KIF26B: variants seen among roughly 807,000 people sequenced by gnomAD.
KIF26B encodes kinesin-like protein KIF26B.
Under a neutral mutation model 151.2 loss-of-function variants are expected in KIF26B, and 63 were observed. The ratio of observed to expected loss-of-function variants is 0.42; its 90% CI spans 0.34 to 0.51. The LOEUF is 0.51. Ranked by LOEUF, KIF26B falls within the 20% of genes least tolerant of loss-of-function variation. KIF26B has a pLI of 0.07. For missense variants in KIF26B, 2,813 were observed against 2,913.6 expected (o/e 0.97, Z 0.79); for synonymous variants, 1,357 against 1,262.1 (o/e 1.08, Z -1.59).
intron 3 of KIF26B, among the ~76,000 whole-genome samples, chr1:245,385,195 T>C (rs1417692286): frequency 1.3e-5 from 2 of 152,230 alleles, no homozygotes; most frequent in East Asian, 1.9e-4. Flanking sequence ...AAATGGGAAC[T>C]AAAATAGAGT....
intron 5 of KIF26B, among the ~76,000 whole-genome samples, chr1:245,590,134 G>T (rs555345773): frequency 2.6e-5 from 4 of 152,082 alleles, no homozygotes; most frequent in Non-Finnish European, 5.9e-5. Context: ...GGGTCGGGGG[G>T]TGGGGGTGCC....
intron 8 of KIF26B, among the ~76,000 whole-genome samples, chr1:245,611,428 G>A (rs1339768205): frequency 6.6e-6 from 1 of 152,130 alleles, no homozygotes; most frequent in East Asian, 1.9e-4. Context: ...CATCGCTCCT[G>A]TTTTCTTAGG....
At chr1:245,322,602 A>G (rs141630701) in intron 2 of KIF26B, among the ~76,000 whole-genome samples, 46 of 152,308 alleles carry the variant, frequency 3.0e-4, no homozygotes, top group African/African-American at 1.1e-3. Flanking sequence ...CAAATGATGC[A>G]TCTAGTAACT....
chr1:245,630,418 T>A (rs758465192), intron 9 of KIF26B, among the ~76,000 whole-genome samples: 9 of 152,106 alleles, frequency 5.9e-5, no homozygotes, highest in Non-Finnish European at 1.3e-4. Flanking sequence ...AAGAATGAGA[T>A]CATGTCCTTT....
chr1:245,174,309 A>G (rs752735506), intron 2 of KIF26B, among the ~76,000 whole-genome samples: 5 of 151,874 alleles, frequency 3.3e-5, no homozygotes, highest in Non-Finnish European at 5.9e-5. Context: ...CATTGCCACT[A>G]TTTTCCCACC....
chr1:245,694,119 C>T (rs916693088), intron 12 of KIF26B, among the ~76,000 whole-genome samples: 11 of 152,340 alleles, frequency 7.2e-5, no homozygotes, highest in African/African-American at 2.4e-4. Flanking sequence ...GGCTCGGCAT[C>T]GAGGAGAGCT....
chr1:245,584,882 A>G (rs907403275), intron 5 of KIF26B, among the ~76,000 whole-genome samples: 3 of 152,208 alleles, frequency 2.0e-5, no homozygotes, highest in African/African-American at 7.2e-5. Flanking sequence ...CAACTGAGGA[A>G]TAGAGTCAGA....
In KIF26B at chr1:245,420,849, T is replaced by C. The variant is rs541062754; in HGVS notation, c.1166+1104T>C. ...AATGGTAACATCCAGAACACAAATA[T>C]GGGGAAGGGGCTCTGATTAGGACAG... On this transcript the variant is annotated intron_variant, in intron 4 of 14. Coordinates refer to ENST00000407071, the MANE Select transcript of KIF26B (RefSeq NM_018012.4). Among the ~76,000 whole-genome samples the C allele has an allele frequency of 7.2e-5, 11 of 152,210 alleles. No homozygotes were observed. In the East Asian group the frequency reaches 1.9e-3, roughly 27 times the overall value.
In KIF26B at chr1:245,602,682, C is replaced by T. The variant is rs1218152830; in HGVS notation, c.1456C>T (p.Pro486Ser). 1.2e-6 allele frequency: 2 copies of T among 1,614,008 alleles called. No homozygotes were observed. Among genetic ancestry groups the T allele is most frequent in the Admixed American group, 1.7e-5 (1 of 60,026 alleles). The change falls in exon 6 of 15, where the codon CCC (proline) becomes TCC (serine). Residue 486 changes from proline (P) to serine (S), a missense_variant. Around this residue, in one of 3 missense-constraint regions of KIF26B, gnomAD observed 676 missense variants for 688.1 expected, o/e 0.98. Coordinates refer to ENST00000407071, the MANE Select transcript of KIF26B (RefSeq NM_018012.4). This position sits in a 1 kb window ranked among gnomAD's most constrained non-coding sequence, Gnocchi z 4.5. ...PRKKQITLYD[P>S]LTCGGQNAFQ... ...GAAGAAGCAGATCACCTTGTACGAT[C>T]CCCTGACTTGTGGAGGTCAAAATGC... is the stretch of plus-strand genomic sequence containing the variant.
intron 2 of KIF26B, among the ~76,000 whole-genome samples, chr1:245,194,033 A>C (rs1355096700): frequency 6.6e-6 from 1 of 152,186 alleles, no homozygotes; most frequent in Non-Finnish European, 1.5e-5. Flanking sequence ...AAATAATATC[A>C]AAATAATACC....
At chr1:245,599,048 G>C (rs1426392948) in intron 5 of KIF26B, among the ~76,000 whole-genome samples, 2 of 152,146 alleles carry the variant, frequency 1.3e-5, no homozygotes, top group Non-Finnish European at 2.9e-5. Context: ...CCTCTCTGGA[G>C]AGCAGCAGGG....
At chr1:245,455,216 A>G (rs1018502791) in intron 4 of KIF26B, among the ~76,000 whole-genome samples, 3 of 152,184 alleles carry the variant, frequency 2.0e-5, no homozygotes, top group African/African-American at 4.8e-5. Context: ...TTTAAAATCC[A>G]TACTACAGGC....
chr1:245,193,546 T>C (rs1033037410), intron 2 of KIF26B, among the ~76,000 whole-genome samples: 1 of 151,838 alleles, frequency 6.6e-6, no homozygotes, highest in African/African-American at 2.4e-5. Flanking sequence ...TTTTTTCTCA[T>C]TTTAGGAATG....
chr1:245,535,631 C>T (rs1323578617), intron 4 of KIF26B, among the ~76,000 whole-genome samples: 1 of 152,202 alleles, frequency 6.6e-6, no homozygotes, highest in Non-Finnish European at 1.5e-5. Context: ...GAAGCCAACA[C>T]ATCACTAGTG....
At chr1:245,450,355 T>A (rs1358299656) in intron 4 of KIF26B, among the ~76,000 whole-genome samples, 2 of 152,158 alleles carry the variant, frequency 1.3e-5, no homozygotes, top group African/African-American at 4.8e-5. Context: ...TTTGAAAAGA[T>A]TTTCGCTGTT....
rs142497231 is a variant in KIF26B, at chr1:245,355,815, G to A, written c.466-11019G>A. Reference sequence around the variant, plus strand: ...GTGTTTGGAGGAGTTGCAATTCACTGGGTGGAGGGTAGAGCGTCTCATGAA... The same window carrying A: ...GTGTTTGGAGGAGTTGCAATTCACTAGGTGGAGGGTAGAGCGTCTCATGAA... On this transcript the variant is annotated intron_variant, in intron 2 of 14. Coordinates refer to ENST00000407071, the MANE Select transcript of KIF26B (RefSeq NM_018012.4). Among the ~76,000 whole-genome samples the A allele has an allele frequency of 2.8e-3, 427 of 152,236 alleles. 1 individual carries two copies. Among genetic ancestry groups the A allele is most frequent in the African/African-American group, 9.4e-3 (390 of 41,536 alleles).
At chr1:245,697,818 T>C (rs887925237) in intron 12 of KIF26B, among the ~76,000 whole-genome samples, 2 of 152,016 alleles carry the variant, frequency 1.3e-5, no homozygotes, top group Admixed American at 1.3e-4. Flanking sequence ...GGTGGGAGGA[T>C]CACTTGAGGC....
At chr1:245,492,769 A>G (rs1660434344) in intron 4 of KIF26B, among the ~76,000 whole-genome samples, 2 of 151,206 alleles carry the variant, frequency 1.3e-5, no homozygotes. Context: ...TACAAAGGAA[A>G]TAAGTCTTTT....
intron 4 of KIF26B, among the ~76,000 whole-genome samples, chr1:245,458,890 C>T (rs796446736): frequency 1.3e-5 from 2 of 152,142 alleles, no homozygotes; most frequent in African/African-American, 4.8e-5. Flanking sequence ...GAGATGTTAG[C>T]GTCCTTAGCC....
Sources: allele counts gnomAD v4.1 joint callset (sites outside exome capture counted in the v4.1 genomes callset), GRCh38; gene constraint gnomAD v4.1.1; regional missense constraint gnomAD v4.1.1; non-coding constraint Gnocchi (gnomAD v3.1); transcripts MANE v1.5; gene names NCBI Gene and HGNC (gene_info 2026-07-23, HGNC 2026-07-21).